Variants in GDPD5 observed in about 807,000 individuals in gnomAD.
The protein encoded by GDPD5 is glycerophosphodiester phosphodiesterase domain containing 5, also known as glycerophosphodiester phosphodiesterase 2.
GDPD5 carries 48 observed loss-of-function variants against 75.1 expected under a neutral mutation model. The observed-to-expected ratio is 0.64, with a 90% CI of 0.51 to 0.81. GDPD5 has a LOEUF of 0.81. Ranked by LOEUF, GDPD5 falls within the 40% of genes least tolerant of loss-of-function variation. GDPD5 has a pLI of 0.00. For missense variants in GDPD5, 706 were observed against 822.6 expected (o/e 0.86, Z 1.73); for synonymous variants, 336 against 339.0 (o/e 0.99, Z 0.10).
chr11:75,497,400 G>T (rs1950230795), intron 1 of GDPD5, among the ~76,000 whole-genome samples: 1 of 152,138 alleles, frequency 6.6e-6, no homozygotes, highest in African/African-American at 2.4e-5. Context: ...CCCACCACAG[G>T]CAGCAGTAAT....
At chr11:75,445,459 T>G (rs1407707509) in intron 9 of GDPD5, among the ~76,000 whole-genome samples, 1 of 152,154 alleles carries the variant, frequency 6.6e-6, no homozygotes, top group East Asian at 1.9e-4. Flanking sequence ...CAAGCCTCCC[T>G]AGTTGGGTCT....
chr11:75,447,538 T>C (rs1949017477), intron 9 of GDPD5, among the ~76,000 whole-genome samples: 1 of 152,220 alleles, frequency 6.6e-6, no homozygotes, highest in Non-Finnish European at 1.5e-5. Flanking sequence ...TAGATAAGTA[T>C]GGGATTGGAT....
intron 1 of GDPD5, among the ~76,000 whole-genome samples, chr11:75,497,696 C>A (rs1026542851): frequency 1.3e-5 from 2 of 152,208 alleles, no homozygotes; most frequent in African/African-American, 4.8e-5. Flanking sequence ...GAGTTTGCAG[C>A]AGTGACTGAC....
At chr11:75,443,102 C>G in intron 11 of GDPD5, 34 bp downstream of exon 11, 1 of 1,580,192 alleles carries the variant, frequency 6.3e-7, no homozygotes, top group African/African-American at 1.3e-5. Flanking sequence ...CTGGTGTTTT[C>G]CATGCCTAAG....
Position 75,496,044 on chromosome 11 carries a change from T to C in GDPD5, c.-144-5724A>G, listed in dbSNP as rs191953072. ...AGTGATCACAACTTGACTGGCCTCT[T>C]CCACAGACCCTGTACTCCTTAAAGT... On this transcript the variant is annotated intron_variant, in intron 1 of 16. Transcript: ENST00000336898. Among the ~76,000 whole-genome samples, 829 of 152,312 alleles carry C rather than the reference T, an allele frequency of 5.4e-3. 27 individuals carry two copies. The highest frequency in any genetic ancestry group is 2.0e-3 in the Non-Finnish European group (137 of 68,030).
In GDPD5 at chr11:75,457,663, C is replaced by T. The variant is rs777129122; in HGVS notation, c.315+30G>A. ...AGTATCCCTTCCCCTGGGAGCAGGG[C>T]CACCTGCCCTCCAAAACAGCCCCAT... On this transcript the variant is annotated intron_variant, in intron 5 of 16. Coordinates refer to ENST00000336898, the MANE Select transcript of GDPD5 (RefSeq NM_030792.8). The T allele has an allele frequency of 5.6e-6, 9 of 1,601,822 alleles. No individual in the cohort carries two copies. In the African/African-American group the frequency reaches 9.4e-5, roughly 17 times the overall value.
At chr11:75,445,987 C>G (rs983153443) in intron 9 of GDPD5, among the ~76,000 whole-genome samples, 2 of 152,224 alleles carry the variant, frequency 1.3e-5, no homozygotes, top group African/African-American at 2.4e-5. Flanking sequence ...GACATGTTAC[C>G]TGTCTCCCAG....
chr11:75,497,415 A>T (rs1950231003), intron 1 of GDPD5, among the ~76,000 whole-genome samples: 1 of 152,148 alleles, frequency 6.6e-6, no homozygotes, highest in Non-Finnish European at 1.5e-5. Flanking sequence ...AGTAATACCC[A>T]GGAGTGAACA....
intron 3 of GDPD5, among the ~76,000 whole-genome samples, chr11:75,476,855 TC>T (rs1045668104): frequency 3.3e-5 from 5 of 152,192 alleles, no homozygotes; most frequent in African/African-American, 1.2e-4. Context: ...GCCTCTGACA[TC>T]AGCGGCAGCC....
Position 75,441,143 on chromosome 11 carries a change from C to G in GDPD5, c.1473+20G>C, listed in dbSNP as rs745839564. On this transcript the variant is annotated intron_variant, in intron 14 of 16. Coordinates refer to ENST00000336898, the MANE Select transcript of GDPD5 (RefSeq NM_030792.8). Reference sequence around the variant, plus strand: ...CAGCTCCAGCACTGCCCCCCAGGGGCCCTCTGCCCCCCAACTCACCATGAT... The same window carrying G: ...CAGCTCCAGCACTGCCCCCCAGGGGGCCTCTGCCCCCCAACTCACCATGAT... 3.5e-5 allele frequency: 57 copies of G among 1,611,144 alleles called. No homozygotes were observed. The highest frequency in any genetic ancestry group is 4.8e-5 in the Non-Finnish European group (56 of 1,178,228).
In GDPD5 at chr11:75,457,747, G is replaced by A. The variant is rs146212185; in HGVS notation, c.261C>T (p.Pro87=). Residue 87 remains proline, a synonymous_variant, in exon 5 of 17, where the codon CCC becomes CCT. Coordinates refer to ENST00000336898, the MANE Select transcript of GDPD5 (RefSeq NM_030792.8). Reference sequence around the variant, plus strand: ...CAGCTGTGGTCACAAGGATGGGTACGGGCCAGTCGCTCCAGTAGCCCATGC... The same window carrying A: ...CAGCTGTGGTCACAAGGATGGGTACAGGCCAGTCGCTCCAGTAGCCCATGC... The part of the protein sequence containing the change: ...YNRMGYWSDW[P]VPILVTTAAA... 6.6e-5 allele frequency: 106 copies of A among 1,614,126 alleles called. 1 individual carries two copies. Among genetic ancestry groups the A allele is most frequent in the African/African-American group, 5.5e-4 (41 of 75,052 alleles).
At chr11:75,454,843 C>T (rs1300925804) in intron 6 of GDPD5, among the ~76,000 whole-genome samples, 1 of 152,076 alleles carries the variant, frequency 6.6e-6, no homozygotes, top group Admixed American at 6.6e-5. Flanking sequence ...TGAATCATGT[C>T]GATGTATTAC....
intron 1 of GDPD5, among the ~76,000 whole-genome samples, chr11:75,508,565 CA>C (rs550029190): frequency 7.2e-4 from 109 of 152,336 alleles, no homozygotes; most frequent in African/African-American, 2.6e-3. Flanking sequence ...CTTTTTAAGA[CA>C]GGGGGAGAGT....
intron 3 of GDPD5, among the ~76,000 whole-genome samples, chr11:75,477,154 T>G (rs1036232404): frequency 1.3e-5 from 2 of 152,212 alleles, no homozygotes; most frequent in African/African-American, 4.8e-5. Flanking sequence ...TATCCGGCTG[T>G]GCACCTGCTG....
chr11:75,477,135 G>A (rs1949796122), intron 3 of GDPD5, among the ~76,000 whole-genome samples: 1 of 152,264 alleles, frequency 6.6e-6, no homozygotes, highest in African/African-American at 2.4e-5. Flanking sequence ...CACTGAAGGA[G>A]GCTTTCTTTA....
At chr11:75,454,308 G>A (rs1949238041) in intron 6 of GDPD5, among the ~76,000 whole-genome samples, 1 of 152,200 alleles carries the variant, frequency 6.6e-6, no homozygotes, top group East Asian at 1.9e-4. Context: ...ACTACAGCAA[G>A]GTACCACTTT....
intron 1 of GDPD5, among the ~76,000 whole-genome samples, chr11:75,494,440 C>T (rs1468950377): frequency 6.6e-6 from 1 of 151,932 alleles, no homozygotes; most frequent in Non-Finnish European, 1.5e-5. Context: ...TGGTCTCGAA[C>T]TCCTGACCTC....
intron 1 of GDPD5, among the ~76,000 whole-genome samples, chr11:75,522,117 TGCCCCG>T (rs1941483603): frequency 6.6e-6 from 1 of 151,826 alleles, no homozygotes; most frequent in South Asian, 2.1e-4. Flanking sequence ...CTATCCCACC[TGCCCCG>T]CCACTAGCCC....
chr11:75,519,643 C>T (rs1166774748), intron 1 of GDPD5, among the ~76,000 whole-genome samples: 1 of 152,094 alleles, frequency 6.6e-6, no homozygotes, highest in Non-Finnish European at 1.5e-5. Context: ...TGTAATTATC[C>T]CCATTTTACA....
Sources: gnomAD v4.1 joint callset for allele counts (sites outside exome capture counted in the v4.1 genomes callset) on GRCh38, gnomAD v4.1.1 for gene constraint, MANE v1.5 for transcripts, NCBI Gene and HGNC (gene_info 2026-07-23, HGNC 2026-07-21) for gene names.